The following RASGEF1A variants were observed in gnomAD, a reference collection of about 807,000 sequenced individuals.
RASGEF1A encodes the protein RasGEF domain family member 1A.
RASGEF1A carries 18 observed loss-of-function variants against 56.4 expected under a neutral mutation model. The observed-to-expected ratio is 0.32, with a 90% confidence interval of 0.22 to 0.47. The LOEUF (loss-of-function observed/expected upper bound fraction) is 0.47, where lower values mean the gene tolerates loss of function less well. RASGEF1A is among the 20% of genes least tolerant of loss of function. The probability of loss-of-function intolerance (pLI) is 1.00; values close to 1 mark genes in which losing one functional copy is unlikely to be tolerated. For missense variants in RASGEF1A, 422 were observed against 627.1 expected, an observed-to-expected ratio of 0.67 and a Z score of 3.49; for synonymous variants, 245 against 242.6, an observed-to-expected ratio of 1.01 and a Z score of -0.09.
intron 1 of RASGEF1A, among the ~76,000 whole-genome samples, chr10:43,231,147 C>G (rs1230141241): frequency 6.6e-6 from 1 of 152,252 alleles, no homozygotes; most frequent in Non-Finnish European, 1.5e-5. Context: ...TGTCCTCCCC[C>G]ACTTTTGCTT....
intron 1 of RASGEF1A, among the ~76,000 whole-genome samples, chr10:43,239,290 C>T (rs1249417214): frequency 6.6e-6 from 1 of 152,154 alleles, no homozygotes; most frequent in Non-Finnish European, 1.5e-5. Flanking sequence ...AAGATGAACT[C>T]CTAATACTTG....
chr10:43,246,045 A>G (rs1406451110), intron 1 of RASGEF1A, among the ~76,000 whole-genome samples: 1 of 152,186 alleles, frequency 6.6e-6, no homozygotes, highest in Non-Finnish European at 1.5e-5. Context: ...ACACACTATT[A>G]GAACTAATAA....
chr10:43,201,709 G>C, intron 4 of RASGEF1A, 99 bp downstream of exon 4: 1 of 1,265,146 alleles, frequency 7.9e-7, no homozygotes, highest in Non-Finnish European at 1.0e-6. Flanking sequence ...TAACATGGAA[G>C]GGGACCACAT....
chr10:43,235,176 G>C (rs183697216), intron 1 of RASGEF1A, among the ~76,000 whole-genome samples: 23 of 152,344 alleles, frequency 1.5e-4, no homozygotes, highest in Non-Finnish European at 2.6e-4. Context: ...AAGCGTGAAG[G>C]AGGGGGTGAA....
At chr10:43,250,730 G>A (rs1840619097) in intron 1 of RASGEF1A, among the ~76,000 whole-genome samples, 1 of 152,192 alleles carries the variant, frequency 6.6e-6, no homozygotes. Flanking sequence ...CTAGCCCCAA[G>A]GTCAGGTCAA....
chr10:43,261,346 G>C (rs1414795889), intron 1 of RASGEF1A, among the ~76,000 whole-genome samples: 1 of 152,178 alleles, frequency 6.6e-6, no homozygotes, highest in Admixed American at 6.5e-5. Context: ...GAGGAGGAAG[G>C]GGCACGGGGC....
intron 1 of RASGEF1A, among the ~76,000 whole-genome samples, chr10:43,255,038 G>T (rs998209326): frequency 1.3e-5 from 2 of 152,148 alleles, no homozygotes; most frequent in Non-Finnish European, 2.9e-5. Flanking sequence ...AGAGGAAACC[G>T]GGAAGTGTGG....
intron 1 of RASGEF1A, among the ~76,000 whole-genome samples, chr10:43,215,174 A>T (rs1372433507): frequency 6.6e-6 from 1 of 152,122 alleles, no homozygotes; most frequent in Non-Finnish European, 1.5e-5. Context: ...CTTCCTGGAA[A>T]ACTGGGACAA....
intron 1 of RASGEF1A, among the ~76,000 whole-genome samples, chr10:43,211,779 T>A (rs1017144947): frequency 1.3e-5 from 2 of 152,174 alleles, no homozygotes; most frequent in Non-Finnish European, 2.9e-5. Context: ...ATCCTGGGCC[T>A]GGGACTGCAT....
chr10:43,204,226 G>A lies in RASGEF1A; in HGVS notation c.199-806C>T, dbSNP rs576666588. Among the ~76,000 whole-genome samples the A allele has an allele frequency of 3.3e-5, 5 of 152,246 alleles. No individual in the cohort carries two copies. In the East Asian group the frequency reaches 9.7e-4, roughly 29 times the overall value. On this transcript the variant is annotated intron_variant, in intron 2 of 12. Transcript: ENST00000395810. ...GACTCTGCCCCACGTGGCTGCTGCA[G>A]GCTGGGCTGCCCAGAAGCCTCTGCC...
chr10:43,218,742 C>T (rs1840168676), intron 1 of RASGEF1A, among the ~76,000 whole-genome samples: 1 of 152,280 alleles, frequency 6.6e-6, no homozygotes, highest in Non-Finnish European at 1.5e-5. Context: ...GGCCGGACTC[C>T]AACAAGGAGG....
chr10:43,232,877 C>T (rs973779297), intron 1 of RASGEF1A, among the ~76,000 whole-genome samples: 1 of 152,158 alleles, frequency 6.6e-6, no homozygotes, highest in African/African-American at 2.4e-5. Flanking sequence ...CACACAGCAG[C>T]CGGGGGGGAT....
chr10:43,256,713 C>T (rs1879301), intron 1 of RASGEF1A, among the ~76,000 whole-genome samples: 21,418 of 152,194 alleles, frequency 0.14, 2,321 homozygotes, highest in East Asian at 0.52. Flanking sequence ...CCAGCGCACA[C>T]CACAGCCACA....
intron 1 of RASGEF1A, among the ~76,000 whole-genome samples, chr10:43,243,072 A>G (rs2090744): frequency 0.77 from 112,445 of 146,750 alleles, 42,894 homozygotes; most frequent in East Asian, 0.95. Context: ...CCGCCACCCC[A>G]TCTAGAAAGT....
At chr10:43,202,056 G>A in intron 3 of RASGEF1A, 111 bp from the exon 4 acceptor site, 1 of 1,243,182 alleles carries the variant, frequency 8.0e-7, no homozygotes, top group Non-Finnish European at 1.1e-6. Flanking sequence ...CCCTGTGCTG[G>A]GCACAGCCCC....
chr10:43,216,797 G>A (rs756704578), intron 1 of RASGEF1A, among the ~76,000 whole-genome samples: 25 of 152,262 alleles, frequency 1.6e-4, no homozygotes, highest in African/African-American at 5.8e-4. Flanking sequence ...ATAAGAACCT[G>A]CATGGGGTGG....
chr10:43,262,089 G>C (rs142857366), intron 1 of RASGEF1A, among the ~76,000 whole-genome samples: 1 of 152,110 alleles, frequency 6.6e-6, no homozygotes, highest in Non-Finnish European at 1.5e-5. Context: ...CACATTTGGC[G>C]GGTCTGGGTA....
intron 1 of RASGEF1A, among the ~76,000 whole-genome samples, chr10:43,210,925 A>G (rs1438715873): frequency 7.4e-6 from 1 of 135,842 alleles, no homozygotes; most frequent in Non-Finnish European, 1.6e-5. Context: ...AGCCCCTTGC[A>G]GGGAGTTGGG....
At chr10:43,218,634 A>C (rs74558005) in intron 1 of RASGEF1A, among the ~76,000 whole-genome samples, 1 of 152,232 alleles carries the variant, frequency 6.6e-6, no homozygotes, top group South Asian at 2.1e-4. Context: ...GCTGTTTCAC[A>C]TAAGCCAAAC....
Sources: gnomAD v4.1 joint callset for allele counts (sites outside exome capture counted in the v4.1 genomes callset) on GRCh38, gnomAD v4.1.1 for gene constraint, MANE v1.5 for transcripts, NCBI Gene and HGNC (gene_info 2026-07-23, HGNC 2026-07-21) for gene names.